Variants in MRPL37 observed in about 807,000 individuals in gnomAD.
The protein encoded by MRPL37 is mitochondrial ribosomal protein L37.
Under a neutral mutation model 44.1 loss-of-function variants are expected in MRPL37, and 34 were observed. The ratio of observed to expected loss-of-function variants is 0.77; its 90% CI spans 0.59 to 1.03. The LOEUF is 1.03. Ranked by LOEUF, MRPL37 falls within the 50% of genes least tolerant of loss-of-function variation. MRPL37 has a pLI of 0.00. For missense variants in MRPL37, 532 were observed against 543.7 expected, an observed-to-expected ratio of 0.98 and a Z score of 0.21; for synonymous variants, 212 against 219.5, an observed-to-expected ratio of 0.97 and a Z score of 0.30.
intron 1 of MRPL37, 65 bp from the exon 2 acceptor site, chr1:54,204,953 G>A (rs2100502502): frequency 1.3e-6 from 2 of 1,543,138 alleles, no homozygotes; most frequent in Non-Finnish European, 1.8e-6. Context: ...TACCTGGCAG[G>A]TGTAAGCATC....
At chr1:54,201,354 T>C (rs1372210579) in intron 1 of MRPL37, among the ~76,000 whole-genome samples, 1 of 152,204 alleles carries the variant, frequency 6.6e-6, no homozygotes, top group Non-Finnish European at 1.5e-5. Context: ...CTTAAGTCAA[T>C]TGGCCAGCCT....
intron 3 of MRPL37, among the ~76,000 whole-genome samples, chr1:54,207,030 G>A (rs1557731905): frequency 6.6e-6 from 1 of 152,204 alleles, no homozygotes; most frequent in Non-Finnish European, 1.5e-5. Flanking sequence ...GGGAATACAG[G>A]CGTGAGCCAC....
intron 1 of MRPL37, among the ~76,000 whole-genome samples, chr1:54,203,551 G>A (rs997346888): frequency 1.5e-5 from 2 of 133,180 alleles, no homozygotes; most frequent in Non-Finnish European, 3.0e-5. Flanking sequence ...TTGGCTTACT[G>A]TAGCCTCTGC....
At chr1:54,225,062 T>C (rs1350576536), downstream of MRPL37, 1 of 1,230,114 alleles carries the variant, frequency 8.1e-7, no homozygotes, top group Non-Finnish European at 1.0e-6. Context: ...GTGGCCCTCC[T>C]GGCCGATAGC....
intron 5 of MRPL37, among the ~76,000 whole-genome samples, chr1:54,212,999 C>T (rs1382618163): frequency 6.6e-6 from 1 of 152,244 alleles, no homozygotes; most frequent in Non-Finnish European, 1.5e-5. Flanking sequence ...AGGTCTGCCC[C>T]ACTCTGAAGT....
chr1:54,220,168 G>A (rs1644223248), downstream of MRPL37, among the ~76,000 whole-genome samples: 1 of 152,112 alleles, frequency 6.6e-6, no homozygotes, highest in Admixed American at 6.6e-5. Context: ...GGCAAGTGGT[G>A]GTGATGGCTT....
At chr1:54,210,272 C>G in intron 4 of MRPL37, 141 bp downstream of exon 4, 3 of 746,292 alleles carry the variant, frequency 4.0e-6, no homozygotes, top group Non-Finnish European at 6.4e-6. Flanking sequence ...ATGTGGCAGC[C>G]CCATGAGACA....
At chr1:54,205,541 G>T in intron 3 of MRPL37, 131 bp downstream of exon 3, 1 of 731,674 alleles carries the variant, frequency 1.4e-6, no homozygotes, top group Admixed American at 2.8e-5. Flanking sequence ...GTCTCGTTTT[G>T]TAGGCTCAGA....
chr1:54,208,148 C>T (rs1196736940), intron 3 of MRPL37, among the ~76,000 whole-genome samples: 3 of 152,160 alleles, frequency 2.0e-5, no homozygotes, highest in Admixed American at 2.0e-4. Flanking sequence ...CTGCATGTAG[C>T]ATATATGCTA....
intron 3 of MRPL37, among the ~76,000 whole-genome samples, chr1:54,205,952 T>C (rs35926154): frequency 0.013 from 1,938 of 152,288 alleles, 42 homozygotes; most frequent in African/African-American, 0.044. Flanking sequence ...TCTAGTCTTA[T>C]CTCCTGCTTT....
chr1:54,223,975 G>GC (rs1256145165), downstream of MRPL37, among the ~76,000 whole-genome samples: 24 of 152,330 alleles, frequency 1.6e-4, no homozygotes, highest in African/African-American at 5.5e-4. Flanking sequence ...CTGCCAGGCT[G>GC]CCGAGGGGCC....
At chr1:54,216,854 T>C (rs1270216695) in intron 6 of MRPL37, among the ~76,000 whole-genome samples, 1 of 152,138 alleles carries the variant, frequency 6.6e-6, no homozygotes, top group Non-Finnish European at 1.5e-5. Flanking sequence ...GTAGAACCTC[T>C]TCACATGTTT....
Position 54,212,608 on chromosome 1 carries a change from A to T in MRPL37, c.940A>T (p.Ile314Phe), listed in dbSNP as rs1268396984. The T allele has an allele frequency of 6.2e-7, 1 of 1,614,164 alleles. No individual in the cohort carries two copies. Residue 314 changes from isoleucine (I) to phenylalanine (F), a missense_variant, in exon 5 of 7, where the codon ATC (isoleucine) becomes TTC (phenylalanine). Coordinates refer to ENST00000360840, the MANE Select transcript of MRPL37 (RefSeq NM_016491.4). The stretch of plus-strand genomic sequence containing the variant: ...ACCAGATCAGCTGCGGGCCAAGATG[A>T]TCCTGTTTGCTTTTGGCAGTGCCCT... The part of the protein sequence containing the change: ...LQPDQLRAKM[I>F]LFAFGSALAQ...
intron 5 of MRPL37, 35 bp downstream of exon 5, chr1:54,212,693 C>T (rs371655719): frequency 2.9e-5 from 46 of 1,612,972 alleles, no homozygotes; most frequent in Admixed American, 8.3e-5. Context: ...AGTTGCTTTA[C>T]GTGGTGTTGG....
chr1:54,207,759 T>C (rs1351780171), intron 3 of MRPL37, among the ~76,000 whole-genome samples: 1 of 152,198 alleles, frequency 6.6e-6, no homozygotes, highest in Non-Finnish European at 1.5e-5. Flanking sequence ...AGAAAACTAT[T>C]CTTGAGGTGT....
At chr1:54,207,244 T>C (rs1644130507) in intron 3 of MRPL37, 1 of 152,308 alleles carries the variant, frequency 6.6e-6, no homozygotes. Context: ...ACTGAACTCC[T>C]AATGGCTGGG....
downstream of MRPL37, among the ~76,000 whole-genome samples, chr1:54,222,107 A>G (rs1341203312): frequency 1.3e-5 from 2 of 152,338 alleles, no homozygotes; most frequent in African/African-American, 4.8e-5. Flanking sequence ...AGTTATTCCA[A>G]GAGCACTCAT....
At chr1:54,220,039 C>T (rs756579093), downstream of MRPL37, among the ~76,000 whole-genome samples, 3 of 152,034 alleles carry the variant, frequency 2.0e-5, no homozygotes, top group African/African-American at 4.8e-5. Context: ...AAGTTCCTAG[C>T]AGTGGAATTG....
At chr1:54,224,890 GC>G (rs1158781221), downstream of MRPL37, among the ~76,000 whole-genome samples, 2 of 151,578 alleles carry the variant, frequency 1.3e-5, no homozygotes, top group Non-Finnish European at 2.9e-5. Flanking sequence ...TAAGTAGACT[GC>G]ACTACTCTCA....
Sources: gnomAD v4.1 joint callset for allele counts (sites outside exome capture counted in the v4.1 genomes callset) on GRCh38, gnomAD v4.1.1 for gene constraint, MANE v1.5 for transcripts, NCBI Gene and HGNC (gene_info 2026-07-23, HGNC 2026-07-21) for gene names.